Variants in CAMSAP1 observed in about 807,000 individuals in gnomAD.
CAMSAP1 encodes calmodulin-regulated spectrin-associated protein 1.
CAMSAP1 carries 58 observed loss-of-function variants against 143.5 expected under a neutral mutation model. The ratio of observed to expected loss-of-function variants is 0.40; its 90% confidence interval spans 0.33 to 0.50. The LOEUF is 0.50. Ranked by LOEUF, CAMSAP1 falls within the 20% of genes least tolerant of loss-of-function variation. The pLI, the probability that CAMSAP1 is intolerant of heterozygous loss-of-function variation, is 0.45. For missense variants in CAMSAP1, 1,969 were observed against 2,115.7 expected, an observed-to-expected ratio of 0.93 and a Z score of 1.36; for synonymous variants, 945 against 859.3, an observed-to-expected ratio of 1.10 and a Z score of -1.74.
chr9:135,864,457 G>A (rs1004455663), intron 4 of CAMSAP1, among the ~76,000 whole-genome samples: 5 of 152,092 alleles, frequency 3.3e-5, no homozygotes, highest in African/African-American at 4.8e-5. Flanking sequence ...CTATCGCCTC[G>A]AGGATGGACT....
chr9:135,819,042 T>C lies in CAMSAP1; in HGVS notation c.3927A>G (p.Glu1309=), dbSNP rs776924293. The C allele has an allele frequency of 5.0e-6, 8 of 1,606,946 alleles. No individual in the cohort carries two copies. Among genetic ancestry groups the C allele is most frequent in the Admixed American group, 1.7e-5 (1 of 59,694 alleles). The change falls in exon 12 of 17, where the codon GAA becomes GAG. Residue 1309 remains glutamate (E), a synonymous_variant. Transcript: ENST00000389532. ...EEARVRKQQL[E]AEVELKRDEA... ...CGTCACGCTTGAGCTCCACCTCCGCTTCCAGCTGCTGCTTGCGCACGCGGG... is the reference window on the plus strand; with the variant it reads ...CGTCACGCTTGAGCTCCACCTCCGCCTCCAGCTGCTGCTTGCGCACGCGGG...
intron 3 of CAMSAP1, among the ~76,000 whole-genome samples, chr9:135,879,395 A>T (rs1180510549): frequency 6.6e-6 from 1 of 151,906 alleles, no homozygotes; most frequent in African/African-American, 2.4e-5. Flanking sequence ...AAAGAAACAT[A>T]CCCTCTTGCC....
chr9:135,906,908 C>A (rs1387046618), intron 1 of CAMSAP1, 92 bp downstream of exon 1: 2 of 764,408 alleles, frequency 2.6e-6, no homozygotes, highest in East Asian at 2.5e-4. Context: ...AAAGGCGCGG[C>A]GCGCGGACCC....
At chr9:135,813,603 C>T (rs1241417117) in intron 16 of CAMSAP1, among the ~76,000 whole-genome samples, 3 of 152,190 alleles carry the variant, frequency 2.0e-5, no homozygotes, top group Non-Finnish European at 4.4e-5. Context: ...GTGCCCACAG[C>T]TTATGTGGCA....
At chr9:135,901,731 C>T (rs78311437) in intron 1 of CAMSAP1, among the ~76,000 whole-genome samples, 1 of 152,274 alleles carries the variant, frequency 6.6e-6, no homozygotes, top group African/African-American at 2.4e-5. Context: ...AAAACATCTT[C>T]CCAGGCTCGC....
At chr9:135,879,977 A>C (rs1357169270) in intron 3 of CAMSAP1, among the ~76,000 whole-genome samples, 2 of 151,994 alleles carry the variant, frequency 1.3e-5, no homozygotes, top group Non-Finnish European at 2.9e-5. Flanking sequence ...ACACATACAA[A>C]TCAAGAAAAA....
intron 11 of CAMSAP1, among the ~76,000 whole-genome samples, chr9:135,819,746 C>T (rs1458030889): frequency 6.6e-6 from 1 of 151,322 alleles, no homozygotes; most frequent in Non-Finnish European, 1.5e-5. Flanking sequence ...ACTCAGGAGC[C>T]TGAGGCAGAA....
chr9:135,846,325 T>A (rs1405218085), intron 7 of CAMSAP1, among the ~76,000 whole-genome samples: 1 of 152,158 alleles, frequency 6.6e-6, no homozygotes, highest in Non-Finnish European at 1.5e-5. Context: ...TCTAGCCATA[T>A]GCGGAAAACT....
intron 7 of CAMSAP1, chr9:135,836,624 C>T (rs1399320734): frequency 4.1e-6 from 4 of 984,704 alleles, no homozygotes; most frequent in African/African-American, 3.5e-5. Flanking sequence ...TACCTTCTAC[C>T]CTGTTCTACA....
chr9:135,860,005 G>A (rs1588480923), intron 5 of CAMSAP1, among the ~76,000 whole-genome samples: 2 of 141,710 alleles, frequency 1.4e-5, no homozygotes. Context: ...AGGAGTTCGA[G>A]ACCAGCCCAG....
chr9:135,854,641 T>C (rs895922811), intron 5 of CAMSAP1, among the ~76,000 whole-genome samples: 4 of 152,094 alleles, frequency 2.6e-5, no homozygotes, highest in Non-Finnish European at 1.5e-5. Context: ...TTTTTAATTT[T>C]TGGGGTCTCA....
At chr9:135,891,723 AAC>A (rs1838296880) in intron 1 of CAMSAP1, among the ~76,000 whole-genome samples, 2 of 152,332 alleles carry the variant, frequency 1.3e-5, no homozygotes, top group Non-Finnish European at 2.9e-5. Context: ...AGAGACAACC[AAC>A]AGAGGCCAAC....
In CAMSAP1 at chr9:135,824,822, G is replaced by C; in HGVS notation, c.1282C>G (p.Gln428Glu). Residue 428 changes from glutamine (Q) to glutamate (E), a missense_variant, in exon 9 of 17, where the codon CAG becomes GAG. Physicochemically the swap from Gln to Glu is conservative, Grantham distance 29. Coordinates refer to ENST00000389532, the MANE Select transcript of CAMSAP1 (RefSeq NM_015447.4). This position sits in a 1 kb window ranked among gnomAD's most constrained non-coding sequence, Gnocchi z 4.1. ...TCCTCTCCCTGTATGGATTTCTGCT[G>C]TTTCTGTCTCAGTGGCAATAAAGGA... ...SHPLLPLRQK[Q>E]QKSIQGEDIP... The C allele has an allele frequency of 6.2e-7, 1 of 1,603,622 alleles. No homozygotes were observed. Among genetic ancestry groups the C allele is most frequent in the Non-Finnish European group, 8.5e-7 (1 of 1,175,150 alleles).
intron 3 of CAMSAP1, among the ~76,000 whole-genome samples, chr9:135,872,541 C>T (rs1837601144): frequency 1.3e-5 from 2 of 152,088 alleles, no homozygotes; most frequent in East Asian, 3.9e-4. Flanking sequence ...ACATTAAATG[C>T]AATTGGTTTA....
At chr9:135,891,450 C>G (rs1189390762) in intron 1 of CAMSAP1, among the ~76,000 whole-genome samples, 1 of 152,228 alleles carries the variant, frequency 6.6e-6, no homozygotes, top group Non-Finnish European at 1.5e-5. Flanking sequence ...GTGCCTTGGG[C>G]AGGCCCGGGG....
At position 135,822,195 on chromosome 9, in the gene CAMSAP1, G is replaced by A. The variant is rs1180262065; in HGVS notation, c.2466C>T (p.Leu822=). Residue 822 remains leucine (L), a synonymous_variant, in exon 11 of 17, where the codon CTC becomes CTT. Coordinates refer to ENST00000389532, the MANE Select transcript of CAMSAP1 (RefSeq NM_015447.4). The surrounding 1 kb of genome is among the most constrained non-coding windows in gnomAD (Gnocchi z 6.1). ...VKMTSFAERK[L]QRLNSCETKS... is the part of the protein sequence containing the mutation. ...TGGTCTCACAGCTGTTGAGTCTCTG[G>A]AGCTTCCTCTCCGCAAAGCTGGTCA... The A allele has an allele frequency of 6.2e-7, 1 of 1,613,830 alleles. No individual in the cohort carries two copies. Among genetic ancestry groups the A allele is most frequent in the East Asian group, 2.2e-5 (1 of 44,896 alleles).
chr9:135,864,133 G>T (rs1837291402), intron 4 of CAMSAP1, among the ~76,000 whole-genome samples: 1 of 152,124 alleles, frequency 6.6e-6, no homozygotes, highest in Non-Finnish European at 1.5e-5. Flanking sequence ...TTAGGGTTAT[G>T]AACTATCTAA....
At chr9:135,864,116 C>T (rs908320965) in intron 4 of CAMSAP1, among the ~76,000 whole-genome samples, 3 of 152,206 alleles carry the variant, frequency 2.0e-5, no homozygotes, top group East Asian at 1.9e-4. Context: ...ACACTGGGGT[C>T]GGAAAGTTAG....
chr9:135,883,510 T>C (rs1333878553), intron 1 of CAMSAP1, among the ~76,000 whole-genome samples: 6 of 152,186 alleles, frequency 3.9e-5, no homozygotes, highest in South Asian at 4.1e-4. Context: ...GGAGACAGCA[T>C]GTGGGCAGGG....
Sources: gnomAD v4.1 joint callset for allele counts (sites outside exome capture counted in the v4.1 genomes callset) on GRCh38, gnomAD v4.1.1 for gene constraint, Gnocchi (gnomAD v3.1) non-coding constraint, MANE v1.5 for transcripts, NCBI Gene and HGNC (gene_info 2026-07-23, HGNC 2026-07-21) for gene names.